Variants in FOXP2 observed in about 807,000 individuals in gnomAD.
FOXP2 encodes the protein forkhead box P2.
FOXP2 carries 12 observed loss-of-function variants against 115.8 expected under a neutral mutation model. The ratio of observed to expected loss-of-function variants is 0.10; its 90% CI spans 0.07 to 0.17. The LOEUF (loss-of-function observed/expected upper bound fraction) is 0.17. FOXP2 is among the 10% of genes least tolerant of loss of function. The probability of loss-of-function intolerance (pLI) is 1.00; values close to 1 mark genes in which losing one functional copy is unlikely to be tolerated. For missense variants in FOXP2, 629 were observed against 843.5 expected (o/e 0.75, Z 3.15); for synonymous variants, 328 against 297.7 (o/e 1.10, Z -1.05).
At position 114,693,732 on chromosome 7, in the gene FOXP2, G is replaced by A; in HGVS notation, c.*3806G>A. 1 of 308,242 alleles carries A rather than the reference G, an allele frequency of 3.2e-6. No individual in the cohort carries two copies. The highest frequency in any genetic ancestry group is 6.3e-6 in the Non-Finnish European group (1 of 158,124). The allele number at this position is 308,242 out of a possible 1,614,324, so 19.1% of individuals were successfully genotyped here. ...TCATTCACTTGATTACATTTCTGAA[G>A]TATAAATAAAAAAATCTAATTCTTT... On this transcript the variant is annotated 3_prime_UTR_variant, in exon 17 of 17. Transcript: ENST00000350908.
intron 2 of FOXP2, among the ~76,000 whole-genome samples, chr7:114,400,002 G>A (rs1387461615): frequency 1.3e-5 from 2 of 151,708 alleles, no homozygotes; most frequent in East Asian, 1.9e-4. Flanking sequence ...GATTACAGGC[G>A]CCTGGTACCG....
intron 3 of FOXP2, among the ~76,000 whole-genome samples, chr7:114,627,395 A>G (rs1804649765): frequency 6.6e-6 from 1 of 152,040 alleles, no homozygotes; most frequent in African/African-American, 2.4e-5. Flanking sequence ...TAGGAAAGTG[A>G]TTACTATTTC....
In FOXP2 at chr7:114,693,307, G is replaced by A. The variant is rs940742479; in HGVS notation, c.*3381G>A. 1 of 452,734 alleles carries A rather than the reference G, an allele frequency of 2.2e-6. No individual in the cohort carries two copies. The highest frequency in any genetic ancestry group is 2.0e-5 in the African/African-American group (1 of 49,944). The allele number at this position is 452,734 out of a possible 1,614,324, so 28.0% of individuals were successfully genotyped here. A position where few individuals can be genotyped will look rare whatever the true frequency, so the allele number is the denominator to read the frequency against. On this transcript the variant is annotated 3_prime_UTR_variant, in exon 17 of 17. Transcript: ENST00000350908. ...TGCATTTCTTTGTGATTAGGGAATC[G>A]AAGAATAGTCAGCTAGGAATAGAGC...
intron 1 of FOXP2, among the ~76,000 whole-genome samples, chr7:114,098,643 A>T (rs1475424019): frequency 6.6e-6 from 1 of 152,202 alleles, no homozygotes; most frequent in South Asian, 2.1e-4. Flanking sequence ...TAGGAGAAAG[A>T]CTATTGGCCT....
At chr7:114,651,802 G>A (rs1806271410) in intron 8 of FOXP2, among the ~76,000 whole-genome samples, 1 of 151,996 alleles carries the variant, frequency 6.6e-6, no homozygotes, top group Non-Finnish European at 1.5e-5. Context: ...ATACATCATA[G>A]AAACAACAAA....
At chr7:114,478,810 A>G (rs1796398924) in intron 2 of FOXP2, among the ~76,000 whole-genome samples, 1 of 151,824 alleles carries the variant, frequency 6.6e-6, no homozygotes, top group South Asian at 2.1e-4. Context: ...AGCATGATAT[A>G]TTGGTGACTT....
At chr7:114,483,609 T>C (rs927006874) in intron 2 of FOXP2, among the ~76,000 whole-genome samples, 4 of 151,768 alleles carry the variant, frequency 2.6e-5, no homozygotes, top group Admixed American at 2.6e-4. Flanking sequence ...CTCAAGCTTA[T>C]CTGATATTTG....
intron 3 of FOXP2, among the ~76,000 whole-genome samples, chr7:114,621,809 A>G (rs1479793840): frequency 2.6e-5 from 4 of 152,050 alleles, no homozygotes; most frequent in Non-Finnish European, 4.4e-5. Flanking sequence ...GAAGAGTTTC[A>G]GTCTTTATCA....
chr7:114,387,846 G>A (rs1394949122), intron 2 of FOXP2, among the ~76,000 whole-genome samples: 2 of 152,074 alleles, frequency 1.3e-5, no homozygotes, highest in Non-Finnish European at 2.9e-5. Flanking sequence ...GAAAACAATA[G>A]TAGAAAGGGA....
At chr7:114,189,138 C>G (rs1793690711) in intron 1 of FOXP2, among the ~76,000 whole-genome samples, 1 of 152,124 alleles carries the variant, frequency 6.6e-6, no homozygotes, top group Non-Finnish European at 1.5e-5. Flanking sequence ...ATATCCTAAG[C>G]CTATACCCAA....
chr7:114,690,785 A>C lies in FOXP2; in HGVS notation c.*859A>C, dbSNP rs541150046. The C allele has an allele frequency of 2.2e-6, 1 of 454,540 alleles. No homozygotes were observed. The highest frequency in any genetic ancestry group is 2.0e-5 in the African/African-American group (1 of 50,136). The allele number at this position is 454,540 out of a possible 1,614,324, so 28.2% of individuals were successfully genotyped here. A position where few individuals can be genotyped will look rare whatever the true frequency, so the allele number is the denominator to read the frequency against. Reference sequence around the variant, plus strand: ...TCTAACCATGGCCAAGAGCTCAAGGACAGAAGCAGCCACATGCTTTGGTCA... The same window carrying C: ...TCTAACCATGGCCAAGAGCTCAAGGCCAGAAGCAGCCACATGCTTTGGTCA... On this transcript the variant is annotated 3_prime_UTR_variant, in exon 17 of 17. Transcript: ENST00000350908.
At chr7:114,277,476 A>G (rs1796216749) in intron 1 of FOXP2, among the ~76,000 whole-genome samples, 1 of 152,034 alleles carries the variant, frequency 6.6e-6, no homozygotes, top group African/African-American at 2.4e-5. Flanking sequence ...GCTTATACCT[A>G]CGTGATTTTT....
intron 2 of FOXP2, among the ~76,000 whole-genome samples, chr7:114,467,639 C>A (rs1795864796): frequency 6.6e-6 from 1 of 152,170 alleles, no homozygotes; most frequent in African/African-American, 2.4e-5. Flanking sequence ...TACAAACTGG[C>A]AGTCACATCG....
chr7:114,620,699 T>A (rs1804202998), intron 3 of FOXP2, among the ~76,000 whole-genome samples: 1 of 152,022 alleles, frequency 6.6e-6, no homozygotes, highest in Admixed American at 6.6e-5. Flanking sequence ...ATCTCATAAT[T>A]TGAAATTAAA....
At chr7:114,293,836 C>T (rs1299767779) in intron 2 of FOXP2, among the ~76,000 whole-genome samples, 1 of 152,082 alleles carries the variant, frequency 6.6e-6, no homozygotes, top group East Asian at 1.9e-4. Context: ...TTATAAATTA[C>T]CCAGTTTGAG....
At position 114,682,647 on chromosome 7, in the gene FOXP2, C is replaced by G. The variant is rs146442167; in HGVS notation, c.2004-7135C>G. ...GAAATAAATTTAATGGCTCTCATAT[C>G]CTATAATGGGGCAAAAAGAGAAAGA... is the stretch of plus-strand genomic sequence containing the variant. On this transcript the variant is annotated intron_variant, in intron 16 of 16. Transcript: ENST00000350908. Among the ~76,000 whole-genome samples the G allele has an allele frequency of 1.1e-3, 172 of 152,058 alleles. 2 individuals are homozygous for G. The highest frequency in any genetic ancestry group is 3.9e-3 in the African/African-American group (163 of 41,496).
chr7:114,509,513 G>A (rs935708479), intron 2 of FOXP2, among the ~76,000 whole-genome samples: 1 of 151,994 alleles, frequency 6.6e-6, no homozygotes, highest in African/African-American at 2.4e-5. Flanking sequence ...TAAATTCTGG[G>A]TACATTTTGA....
intron 1 of FOXP2, among the ~76,000 whole-genome samples, chr7:114,113,748 C>T (rs1252995007): frequency 2.0e-5 from 3 of 152,120 alleles, no homozygotes; most frequent in African/African-American, 4.8e-5. Context: ...AAGTGATCCT[C>T]CTGCCTTGAC....
chr7:114,479,566 G>T (rs1206595724), intron 2 of FOXP2, among the ~76,000 whole-genome samples: 2 of 150,744 alleles, frequency 1.3e-5, no homozygotes. Context: ...CTCAGCTCTG[G>T]AGCCAGGAGT....
Sources: gnomAD v4.1 joint callset for allele counts (sites outside exome capture counted in the v4.1 genomes callset) on GRCh38, gnomAD v4.1.1 for gene constraint, MANE v1.5 for transcripts, NCBI Gene and HGNC (gene_info 2026-07-23, HGNC 2026-07-21) for gene names.